CADPS: variants seen among roughly 807,000 people sequenced by gnomAD.
The protein encoded by CADPS is calcium dependent secretion activator, also known as calcium-dependent secretion activator 1.
CADPS carries 57 observed loss-of-function variants against 167.3 expected under a neutral mutation model. The observed-to-expected ratio is 0.34, with a 90% CI of 0.28 to 0.42. The LOEUF is 0.42. Ranked by LOEUF, CADPS falls within the 20% of genes least tolerant of loss-of-function variation. The pLI is 1.00. For synonymous variants in CADPS, 676 were observed against 635.3 expected (o/e 1.06, Z -0.96); for missense variants, 1,414 against 1,738.1 (o/e 0.81, Z 3.32).
chr3:62,795,873 A>T (rs2093368895), intron 1 of CADPS, among the ~76,000 whole-genome samples: 1 of 152,186 alleles, frequency 6.6e-6, no homozygotes, highest in Admixed American at 6.6e-5. Context: ...GAGGTAACAG[A>T]GTAGAGAAGA....
rs373881537 is a variant in CADPS at position 62,658,891 on chromosome 3, T to A, written c.969+3423A>T. Among the ~76,000 whole-genome samples the A allele has an allele frequency of 4.6e-5, 7 of 152,238 alleles. No homozygotes were observed. The East Asian group carries it at 1.4e-3, about 29-fold the overall frequency. On this transcript the variant is annotated intron_variant, in intron 4 of 29. Coordinates refer to ENST00000383710, the MANE Select transcript of CADPS (RefSeq NM_003716.4). ...GAATTTGCAGGGGATAAGAAAGAAA[T>A]GATAATGAATGTGACACATGGAGAT...
intron 7 of CADPS, 56 bp downstream of exon 7, chr3:62,592,581 G>A (rs2086297425): frequency 2.2e-6 from 3 of 1,345,676 alleles, no homozygotes; most frequent in African/African-American, 1.4e-5. Context: ...GTGCACTGGA[G>A]ACCTAGCTGG....
chr3:62,465,444 T>C lies in CADPS; in HGVS notation c.3559A>G (p.Thr1187Ala). The change falls in exon 26 of 30, where the codon ACT (threonine) becomes GCT (alanine). Residue 1187 changes from threonine to alanine, a missense_variant. Thr to Ala is a moderately conservative substitution (Grantham distance 58). Coordinates refer to ENST00000383710, the MANE Select transcript of CADPS (RefSeq NM_003716.4). The surrounding 1 kb of genome is among the most constrained non-coding windows in gnomAD (Gnocchi z 4.1). ...MITLLVAKFV[T>A]ILEGVLAKLS... Reference sequence around the variant, plus strand: ...TTTGCCAGCACTCCTTCCAAGATAGTAACGAACTAGAAAAACAGCAAAAAA... The same window carrying C: ...TTTGCCAGCACTCCTTCCAAGATAGCAACGAACTAGAAAAACAGCAAAAAA... The C allele has an allele frequency of 5.0e-6, 8 of 1,601,160 alleles. No individual in the cohort carries two copies. Among genetic ancestry groups the C allele is most frequent in the Non-Finnish European group, 6.8e-6 (8 of 1,174,282 alleles).
chr3:62,802,487 T>G (rs1185456207), intron 1 of CADPS, among the ~76,000 whole-genome samples: 2 of 152,140 alleles, frequency 1.3e-5, no homozygotes, highest in Non-Finnish European at 2.9e-5. Flanking sequence ...GGTCAACCTC[T>G]CCTAATCTCT....
At chr3:62,483,187 TG>T (rs1281384990) in intron 21 of CADPS, among the ~76,000 whole-genome samples, 4 of 151,834 alleles carry the variant, frequency 2.6e-5, no homozygotes, top group Middle Eastern at 3.2e-3. Flanking sequence ...GTTCTCTTTT[TG>T]GATCTTGCAG....
In CADPS at chr3:62,559,594, A is replaced by C. The variant is rs55889530; in HGVS notation, c.1645-2081T>G. ...ACGGCAACCTCCGCTTCCTGGGTTC[A>C]AGTGATTTTCCTGCCTCAGCCTCCT... On this transcript the variant is annotated intron_variant, in intron 9 of 29. Coordinates refer to ENST00000383710, the MANE Select transcript of CADPS (RefSeq NM_003716.4). 6.8e-3 allele frequency among the ~76,000 whole-genome samples: 1,034 copies of C among 152,074 alleles called. 10 individuals are homozygous for C. The highest frequency in any genetic ancestry group is 0.024 in the African/African-American group (985 of 41,478).
intron 1 of CADPS, among the ~76,000 whole-genome samples, chr3:62,840,879 A>T (rs953404169): frequency 6.6e-6 from 1 of 152,168 alleles, no homozygotes; most frequent in East Asian, 1.9e-4. Context: ...TGCATATCTA[A>T]TTTTTTGAAT....
rs193291113 is a variant in CADPS at position 62,689,035 on chromosome 3, A to T, written c.889-26641T>A. ...AGTGTGATAAATGATGTTTCTTTTC[A>T]CTTCCTTTGTTACTAGGCTGTGATT... On this transcript the variant is annotated intron_variant, in intron 3 of 29. Transcript: ENST00000383710. Among the ~76,000 whole-genome samples, 5 of 152,142 alleles carry T rather than the reference A, an allele frequency of 3.3e-5. No homozygotes were observed. In the East Asian group the frequency reaches 9.7e-4, roughly 30 times the overall value.
chr3:62,574,697 C>A (rs1354625336), intron 8 of CADPS, among the ~76,000 whole-genome samples: 1 of 152,162 alleles, frequency 6.6e-6, no homozygotes, highest in Non-Finnish European at 1.5e-5. Flanking sequence ...TCCAGTTCTA[C>A]CAGTTACTGT....
At position 62,690,107 on chromosome 3, in the gene CADPS, AT is replaced by A. The variant is rs545455740; in HGVS notation, c.889-27714del. Among the ~76,000 whole-genome samples, 43 of 151,668 alleles carry A rather than the reference AT, an allele frequency of 2.8e-4. 1 individual carries two copies. In the East Asian group the frequency reaches 4.7e-3, roughly 17 times the overall value. ...TGTTTGACTGTACTGGGCAATCTAC[AT>A]TTTTTTTAATGGAAATTTTTGGCTT... On this transcript the variant is annotated intron_variant, in intron 3 of 29. Transcript: ENST00000383710.
chr3:62,806,163 G>C (rs924892071), intron 1 of CADPS, among the ~76,000 whole-genome samples: 2 of 152,124 alleles, frequency 1.3e-5, no homozygotes, highest in Non-Finnish European at 2.9e-5. Flanking sequence ...AAGGATGAGA[G>C]CCTAACCCTT....
At chr3:62,449,607 G>C (rs562283359) in intron 26 of CADPS, among the ~76,000 whole-genome samples, 32 of 152,258 alleles carry the variant, frequency 2.1e-4, no homozygotes, top group African/African-American at 7.5e-4. Flanking sequence ...ATTATTGCCA[G>C]AAAATCCAAG....
chr3:62,767,146 A>T (rs2087102632), intron 1 of CADPS, among the ~76,000 whole-genome samples: 1 of 152,146 alleles, frequency 6.6e-6, no homozygotes. Context: ...AAAAAGTTAA[A>T]TTTTTGTGAA....
At position 62,466,388 on chromosome 3, in the gene CADPS, T is replaced by G. The variant is rs776043383; in HGVS notation, c.3503A>C (p.Glu1168Ala). ...QEHQYHSKID[E>A]LIEETVKEMI... ...TTCTTTAACAGTTTCTTCAATTAGT[T>G]CGTCTATTTTTGAATGGTATTGATG... The change falls in exon 25 of 30, where the codon GAA (glutamate) becomes GCA (alanine). Residue 1168 changes from glutamate (E) to alanine (A), a missense_variant. Coordinates refer to ENST00000383710, the MANE Select transcript of CADPS (RefSeq NM_003716.4). 5 of 1,611,432 alleles carry G rather than the reference T, an allele frequency of 3.1e-6. No homozygotes were observed. The highest frequency in any genetic ancestry group is 4.2e-6 in the Non-Finnish European group (5 of 1,177,838).
At chr3:62,511,185 T>G (rs1275803395) in intron 17 of CADPS, among the ~76,000 whole-genome samples, 1 of 152,186 alleles carries the variant, frequency 6.6e-6, no homozygotes. Context: ...AGTTAAGAAA[T>G]TTTGAACCAT....
intron 6 of CADPS, among the ~76,000 whole-genome samples, chr3:62,613,472 A>T (rs1268420216): frequency 6.6e-6 from 1 of 152,142 alleles, no homozygotes; most frequent in African/African-American, 2.4e-5. Context: ...CAGTTCCTTT[A>T]TGTAGGATTT....
At chr3:62,860,683 T>G (rs1044059669) in intron 1 of CADPS, among the ~76,000 whole-genome samples, 1 of 152,142 alleles carries the variant, frequency 6.6e-6, no homozygotes, top group African/African-American at 2.4e-5. Context: ...ATCCAAATCT[T>G]ACCACCTCTA....
At chr3:62,574,941 A>T (rs80196099) in intron 8 of CADPS, among the ~76,000 whole-genome samples, 3,101 of 152,336 alleles carry the variant, frequency 0.02, 46 homozygotes, top group Non-Finnish European at 0.033. Flanking sequence ...TGTGAAAGGA[A>T]ATCTTGGACT....
intron 11 of CADPS, among the ~76,000 whole-genome samples, chr3:62,548,910 T>C (rs2076906002): frequency 6.6e-6 from 1 of 152,234 alleles, no homozygotes; most frequent in Non-Finnish European, 1.5e-5. Context: ...GAAGCTCTCT[T>C]ATTTATCTGT....
Sources: allele counts gnomAD v4.1 joint callset (sites outside exome capture counted in the v4.1 genomes callset), GRCh38; gene constraint gnomAD v4.1.1; non-coding constraint Gnocchi (gnomAD v3.1); transcripts MANE v1.5; gene names NCBI Gene and HGNC (gene_info 2026-07-23, HGNC 2026-07-21).